Variants in DDX55 observed in about 807,000 individuals in gnomAD.
The protein encoded by DDX55 is DEAD-box helicase 55.
In DDX55, 56 loss-of-function variants were observed where a neutral mutation model predicts 69.2. That is an observed-to-expected ratio of 0.81 (90% CI 0.65 to 1.01). The LOEUF is 1.01. Among genes scored for constraint, DDX55 ranks in the 50% least tolerant of loss-of-function variants. The pLI, the probability that DDX55 is intolerant of heterozygous loss-of-function variation, is 0.00. For missense variants in DDX55, 720 were observed against 745.1 expected (o/e 0.97, Z 0.39); for synonymous variants, 268 against 273.1 (o/e 0.98, Z 0.18).
chr12:123,620,177 GTTCCCTAACTTGGTGGATGGC>G lies in DDX55; in HGVS notation c.*39_*59del. 1.3e-6 allele frequency: 2 copies of G among 1,564,708 alleles called. No individual in the cohort carries two copies. Among genetic ancestry groups the G allele is most frequent in the Non-Finnish European group, 1.7e-6 (2 of 1,152,504 alleles). ...CAGATGAACCCACAAGGACATAGCT[GTTCCCTAACTTGGTGGATGGC>G]TCCAGTTTGCTTTTAACGAAAATCA... On this transcript the variant is annotated 3_prime_UTR_variant, in exon 14 of 14. Transcript: ENST00000238146.
rs1332707995 is a variant in DDX55, at chr12:123,620,579, A to ATTTT, written c.*441_*442insTTTT. On this transcript the variant is annotated 3_prime_UTR_variant, in exon 14 of 14. Transcript: ENST00000238146. The stretch of plus-strand genomic sequence containing the variant: ...GGGTCACATATAGACATATGTACAT[A>ATTTT]TTATATATATATATATATATATATA... 6.3e-4 allele frequency: 45 copies of ATTTT among 70,938 alleles called. No homozygotes were observed. Among genetic ancestry groups the ATTTT allele is most frequent in the African/African-American group, 2.1e-3 (41 of 19,640 alleles). The allele number at this position is 70,938 out of a possible 1,614,324, so 4.4% of individuals were successfully genotyped here.
At chr12:123,606,747 T>C (rs192361219) in intron 3 of DDX55, among the ~76,000 whole-genome samples, 3 of 152,182 alleles carry the variant, frequency 2.0e-5, no homozygotes, top group Admixed American at 1.3e-4. Context: ...TGGACCATCA[T>C]GTCTGGGTCA....
At chr12:123,617,641 G>T in intron 10 of DDX55, 117 bp from the exon 11 acceptor site, 1 of 770,440 alleles carries the variant, frequency 1.3e-6, no homozygotes, top group South Asian at 1.9e-5. Flanking sequence ...TCCACACTGA[G>T]CTGTGGAGGC....
chr12:123,609,068 A>C (rs1039712370), intron 6 of DDX55, among the ~76,000 whole-genome samples: 4 of 151,908 alleles, frequency 2.6e-5, no homozygotes, highest in Admixed American at 2.6e-4. Flanking sequence ...ATCCTCCTGC[A>C]TCAGCCTCCC....
intron 8 of DDX55, among the ~76,000 whole-genome samples, chr12:123,613,741 C>A (rs1693716365): frequency 6.6e-6 from 1 of 152,120 alleles, no homozygotes; most frequent in Non-Finnish European, 1.5e-5. Context: ...ACGTGGTGGC[C>A]CCTCACTTCA....
At chr12:123,613,039 A>G in intron 7 of DDX55, 131 bp from the exon 8 acceptor site, 4 of 873,204 alleles carry the variant, frequency 4.6e-6, no homozygotes, top group Non-Finnish European at 7.2e-6. Flanking sequence ...ACCAGTTAAC[A>G]TTCCGACTAA....
Position 123,620,124 on chromosome 12 carries a change from T to A in DDX55, c.1787T>A (p.Leu596Ter), listed in dbSNP as rs759051022. 1 of 1,613,758 alleles carries A rather than the reference T, an allele frequency of 6.2e-7. No homozygotes were observed. Among genetic ancestry groups the A allele is most frequent in the Admixed American group, 1.7e-5 (1 of 59,956 alleles). The change falls in exon 14 of 14, where the codon TTG becomes TAG. Residue 596 changes from leucine (L) to a stop codon, truncating the protein, a stop_gained. Transcript: ENST00000238146. LOFTEE classifies it high-confidence loss of function. ...IKTVDLGISD[L>*]EDDC Reference sequence around the variant, plus strand: ...ACAGTGGATTTAGGGATCTCAGATTTGGAAGATGACTGCTGATTCCAGTGC... The same window carrying A: ...ACAGTGGATTTAGGGATCTCAGATTAGGAAGATGACTGCTGATTCCAGTGC...
At chr12:123,611,457 C>T (rs551707763) in intron 7 of DDX55, among the ~76,000 whole-genome samples, 1 of 152,182 alleles carries the variant, frequency 6.6e-6, no homozygotes, top group Non-Finnish European at 1.5e-5. Context: ...CCCACCAGCC[C>T]GGGGCTGGGG....
intron 1 of DDX55, chr12:123,605,009 G>A (rs1340858819): frequency 1.3e-5 from 2 of 152,108 alleles, no homozygotes; most frequent in African/African-American, 4.8e-5. Flanking sequence ...CCCAACCCTG[G>A]TTGTATTTTA....
At position 123,606,174 on chromosome 12, in the gene DDX55, A is replaced by G. The variant is rs750326635; in HGVS notation, c.246+15A>G. 4 of 1,613,350 alleles carry G rather than the reference A, an allele frequency of 2.5e-6. No homozygotes were observed. The Admixed American group carries it at 6.7e-5, about 27-fold the overall frequency. On this transcript the variant is annotated intron_variant, in intron 3 of 13. Coordinates refer to ENST00000238146, the MANE Select transcript of DDX55 (RefSeq NM_020936.3). The stretch of plus-strand genomic sequence containing the variant: ...AAAAGAGTCAGGTGAGGACAACAAA[A>G]GTGATTTATTTTCACCTAGTCATCA...
intron 7 of DDX55, 107 bp from the exon 8 acceptor site, chr12:123,613,063 C>T: frequency 2.6e-6 from 3 of 1,139,384 alleles, no homozygotes; most frequent in Non-Finnish European, 3.9e-6. Context: ...CTGTCCTACC[C>T]ATGGGGGAAA....
intron 1 of DDX55, among the ~76,000 whole-genome samples, chr12:123,602,478 G>T (rs544402604): frequency 1.5e-4 from 23 of 152,232 alleles, no homozygotes; most frequent in Admixed American, 6.5e-5. Context: ...GGGTGCTGTG[G>T]TCTCAAGCCT....
intron 1 of DDX55, among the ~76,000 whole-genome samples, chr12:123,602,570 CTG>C (rs1953634147): frequency 6.6e-6 from 1 of 152,226 alleles, no homozygotes; most frequent in Admixed American, 6.5e-5. Flanking sequence ...TTTTCCTTCT[CTG>C]TGAAATGACG....
At position 123,617,877 on chromosome 12, in the gene DDX55, G is replaced by A; in HGVS notation, c.1164+5G>A. 4.3e-6 allele frequency: 7 copies of A among 1,612,164 alleles called. No homozygotes were observed. Among genetic ancestry groups the A allele is most frequent in the Non-Finnish European group, 5.9e-6 (7 of 1,178,540 alleles). On this transcript the variant is annotated splice_donor_5th_base_variant and intron_variant, in intron 11 of 13. Transcript: ENST00000238146. Reference sequence around the variant, plus strand: ...TTCCTTGCAATTAACCAAAAAGTAAGCTGCCGTCCGTTTTCAGATAGAATG... The same window carrying A: ...TTCCTTGCAATTAACCAAAAAGTAAACTGCCGTCCGTTTTCAGATAGAATG...
intron 1 of DDX55, among the ~76,000 whole-genome samples, chr12:123,602,930 A>G (rs1214923109): frequency 6.6e-6 from 1 of 152,180 alleles, no homozygotes; most frequent in Non-Finnish European, 1.5e-5. Context: ...CTGAGACCTC[A>G]GTGATTGAGA....
chr12:123,613,027 A>C, intron 7 of DDX55, 143 bp from the exon 8 acceptor site: 1 of 758,440 alleles, frequency 1.3e-6, no homozygotes, highest in Non-Finnish European at 2.2e-6. Context: ...TGAGCTAGGT[A>C]GACCAGTTAA....
rs375119897 is a variant in DDX55 at position 123,602,186 on chromosome 12, C to T, written c.38C>T (p.Pro13Leu). 221 of 1,569,386 alleles carry T rather than the reference C, an allele frequency of 1.4e-4. No homozygotes were observed. The highest frequency in any genetic ancestry group is 2.4e-4 in the Admixed American group (13 of 53,914). Residue 13 changes from proline (P) to leucine (L), a missense_variant, in exon 1 of 14, where the codon CCT becomes CTT. Pro to Leu is a moderately conservative substitution (Grantham distance 98, BLOSUM62 -3). Transcript: ENST00000238146. ...HVTEGSWESLPVPLHPQVLGA... is the reference protein window; with the variant it reads ...HVTEGSWESLLVPLHPQVLGA... ...ACAGAGGGCTCCTGGGAGTCGCTGCCTGTGCCGCTGCACCCGCAGGTGCTG... is the reference window on the plus strand; with the variant it reads ...ACAGAGGGCTCCTGGGAGTCGCTGCTTGTGCCGCTGCACCCGCAGGTGCTG...
chr12:123,620,162 C>T lies in DDX55; in HGVS notation c.*22C>T. Reference sequence around the variant, plus strand: ...CTGATTCCAGTGCCACAGATGAACCCACAAGGACATAGCTGTTCCCTAACT... The same window carrying T: ...CTGATTCCAGTGCCACAGATGAACCTACAAGGACATAGCTGTTCCCTAACT... On this transcript the variant is annotated 3_prime_UTR_variant, in exon 14 of 14. Coordinates refer to ENST00000238146, the MANE Select transcript of DDX55 (RefSeq NM_020936.3). 6.2e-7 allele frequency: 1 copy of T among 1,607,550 alleles called. No individual in the cohort carries two copies. The highest frequency in any genetic ancestry group is 8.5e-7 in the Non-Finnish European group (1 of 1,176,248).
intron 12 of DDX55, 41 bp downstream of exon 12, chr12:123,618,878 CTA>C (rs1324359870): frequency 6.2e-7 from 1 of 1,603,618 alleles, no homozygotes; most frequent in Non-Finnish European, 8.5e-7. Flanking sequence ...TCCATCTTAA[CTA>C]TGTGGTGGTC....
Sources: allele counts gnomAD v4.1 joint callset (sites outside exome capture counted in the v4.1 genomes callset), GRCh38; gene constraint gnomAD v4.1.1; transcripts MANE v1.5; gene names NCBI Gene and HGNC (gene_info 2026-07-23, HGNC 2026-07-21).